Variants in SH3RF3 observed in about 807,000 individuals in gnomAD.
The protein encoded by SH3RF3 is SH3 domain containing ring finger 3.
In SH3RF3, 29 loss-of-function variants were observed where a neutral mutation model predicts 66.3. That is an observed-to-expected ratio of 0.44 (90% CI 0.33 to 0.60). The LOEUF (loss-of-function observed/expected upper bound fraction) is 0.60, where lower values mean the gene tolerates loss of function less well. Ranked by LOEUF, SH3RF3 falls within the 20% of genes least tolerant of loss-of-function variation. The pLI is 0.04. For missense variants in SH3RF3, 1,194 were observed against 1,190.9 expected (o/e 1.00, Z -0.04); for synonymous variants, 583 against 532.0 (o/e 1.10, Z -1.32).
intron 8 of SH3RF3, among the ~76,000 whole-genome samples, chr2:109,449,871 G>C (rs986604454): frequency 1.5e-4 from 23 of 152,148 alleles, no homozygotes; most frequent in African/African-American, 5.6e-4. Flanking sequence ...ACAAATCTAC[G>C]TGTGCAGTGT....
chr2:109,456,887 A>G (rs1461008979), intron 8 of SH3RF3, among the ~76,000 whole-genome samples: 1 of 152,242 alleles, frequency 6.6e-6, no homozygotes, highest in Non-Finnish European at 1.5e-5. Context: ...CCTAGGGCTC[A>G]TGCCGCTGAG....
chr2:109,279,938 G>A (rs1175087929), intron 1 of SH3RF3, among the ~76,000 whole-genome samples: 1 of 152,022 alleles, frequency 6.6e-6, no homozygotes, highest in Non-Finnish European at 1.5e-5. Context: ...GGTAAGAGGT[G>A]GAGGGTGAGG....
chr2:109,245,067 G>T (rs1679881202), intron 1 of SH3RF3, among the ~76,000 whole-genome samples: 1 of 152,174 alleles, frequency 6.6e-6, no homozygotes, highest in South Asian at 2.1e-4. Context: ...GCCTTGTGCT[G>T]AGGGACCCAT....
chr2:109,421,836 G>A (rs1322916099), intron 5 of SH3RF3, among the ~76,000 whole-genome samples: 1 of 152,222 alleles, frequency 6.6e-6, no homozygotes, highest in Admixed American at 6.5e-5. Context: ...TGTGACTGGT[G>A]ATGGTCCGTT....
chr2:109,212,211 T>C (rs562499125), intron 1 of SH3RF3, among the ~76,000 whole-genome samples: 13 of 152,250 alleles, frequency 8.5e-5, no homozygotes, highest in Non-Finnish European at 1.2e-4. Context: ...TGATCTGGGA[T>C]TTTCTTCCTC....
intron 1 of SH3RF3, among the ~76,000 whole-genome samples, chr2:109,300,355 T>C (rs948679793): frequency 6.6e-6 from 1 of 152,104 alleles, no homozygotes; most frequent in Admixed American, 6.5e-5. Flanking sequence ...AATTTTTGTA[T>C]TTTTAGTAGA....
intron 2 of SH3RF3, among the ~76,000 whole-genome samples, chr2:109,352,167 G>A (rs892182873): frequency 6.6e-6 from 1 of 152,182 alleles, no homozygotes; most frequent in Non-Finnish European, 1.5e-5. Flanking sequence ...TAAAACCCAA[G>A]CTCAAAATAG....
intron 3 of SH3RF3, among the ~76,000 whole-genome samples, chr2:109,375,577 C>T (rs771161797): frequency 2.8e-4 from 42 of 152,218 alleles, no homozygotes; most frequent in Non-Finnish European, 5.1e-4. Context: ...TTTCAGAAGG[C>T]GCTTGTTCTA....
chr2:109,263,388 A>AT (rs1480357383), intron 1 of SH3RF3, among the ~76,000 whole-genome samples: 1 of 152,098 alleles, frequency 6.6e-6, no homozygotes. Flanking sequence ...TTTTGTCTTT[A>AT]TTTTTTATAG....
chr2:109,130,536 T>C (rs1364335058), intron 1 of SH3RF3, among the ~76,000 whole-genome samples: 1 of 152,112 alleles, frequency 6.6e-6, no homozygotes, highest in Non-Finnish European at 1.5e-5. Context: ...TGATGGCTGC[T>C]CTGGGAAGCC....
At chr2:109,408,781 C>T (rs746301785) in intron 4 of SH3RF3, among the ~76,000 whole-genome samples, 16 of 152,250 alleles carry the variant, frequency 1.1e-4, no homozygotes, top group Non-Finnish European at 1.6e-4. Context: ...AATGGATGCA[C>T]AGTTGGATGT....
At chr2:109,426,986 T>C (rs201610570) in intron 5 of SH3RF3, among the ~76,000 whole-genome samples, 1 of 139,674 alleles carries the variant, frequency 7.2e-6, no homozygotes, top group Non-Finnish European at 1.6e-5. Context: ...ATATTTTTTT[T>C]TGAGACGAGT....
chr2:109,142,290 G>A (rs535132703), intron 1 of SH3RF3, among the ~76,000 whole-genome samples: 1 of 152,314 alleles, frequency 6.6e-6, no homozygotes, highest in South Asian at 2.1e-4. Context: ...GTGTTCTCAG[G>A]AATAGGTGTT....
chr2:109,335,348 T>C (rs1311904341), intron 1 of SH3RF3, among the ~76,000 whole-genome samples: 30 of 152,200 alleles, frequency 2.0e-4, no homozygotes, highest in Admixed American at 2.0e-3. Flanking sequence ...AAACTCTCAA[T>C]GGCGTTTATT....
chr2:109,459,833 G>A (rs1213891807), intron 8 of SH3RF3, among the ~76,000 whole-genome samples: 1 of 152,170 alleles, frequency 6.6e-6, no homozygotes, highest in Non-Finnish European at 1.5e-5. Context: ...TTTTGCTAGT[G>A]GGTTACTAGG....
intron 8 of SH3RF3, among the ~76,000 whole-genome samples, chr2:109,487,462 T>C (rs1309271863): frequency 6.6e-6 from 1 of 152,252 alleles, no homozygotes; most frequent in Non-Finnish European, 1.5e-5. Flanking sequence ...AGCAGAATTC[T>C]GTCCTGGAAG....
chr2:109,177,551 G>T (rs567441698), intron 1 of SH3RF3, among the ~76,000 whole-genome samples: 10 of 151,656 alleles, frequency 6.6e-5, no homozygotes, highest in Admixed American at 5.3e-4. Context: ...ACCTGCTCTG[G>T]GGGGGGGCAC....
intron 1 of SH3RF3, among the ~76,000 whole-genome samples, chr2:109,136,288 G>A (rs893606733): frequency 6.6e-6 from 1 of 152,058 alleles, no homozygotes; most frequent in Admixed American, 6.5e-5. Context: ...AGCACCACTT[G>A]AAGAGGCCAA....
At chr2:109,152,412 T>G (rs1677243287) in intron 1 of SH3RF3, among the ~76,000 whole-genome samples, 1 of 152,216 alleles carries the variant, frequency 6.6e-6, no homozygotes, top group Non-Finnish European at 1.5e-5. Context: ...AAATAAATAA[T>G]TCTGGGCTCC....
Sources: allele counts gnomAD v4.1 joint callset (sites outside exome capture counted in the v4.1 genomes callset), GRCh38; gene constraint gnomAD v4.1.1; transcripts MANE v1.5; gene names NCBI Gene and HGNC (gene_info 2026-07-23, HGNC 2026-07-21).